EPB41L4A: variants seen among roughly 807,000 people sequenced by gnomAD.
EPB41L4A encodes the protein erythrocyte membrane protein band 4.1 like 4A, also known as band 4.1-like protein 4A.
In EPB41L4A, 100 loss-of-function variants were observed where a neutral mutation model predicts 108.6. The observed-to-expected ratio is 0.92, with a 90% CI of 0.78 to 1.09. The LOEUF (loss-of-function observed/expected upper bound fraction) is 1.09. EPB41L4A is among the 50% of genes least tolerant of loss of function. The pLI is 0.00. For missense variants in EPB41L4A, 1,030 were observed against 842.7 expected (o/e 1.22, Z -2.75); for synonymous variants, 319 against 289.0 (o/e 1.10, Z -1.05).
intron 1 of EPB41L4A, among the ~76,000 whole-genome samples, chr5:112,350,965 T>C (rs58873819): frequency 0.14 from 21,349 of 152,248 alleles, 1,747 homozygotes; most frequent in East Asian, 0.33. Context: ...TCTGGTATAC[T>C]GATCGCCTTT....
chr5:112,388,280 G>C (rs1000227854), intron 1 of EPB41L4A, among the ~76,000 whole-genome samples: 1 of 152,174 alleles, frequency 6.6e-6, no homozygotes, highest in Non-Finnish European at 1.5e-5. Context: ...ATGCCAGCCA[G>C]AGTCAGCCTT....
At chr5:112,370,191 A>AT (rs77297021) in intron 1 of EPB41L4A, among the ~76,000 whole-genome samples, 2,056 of 136,978 alleles carry the variant, frequency 0.015, 50 homozygotes, top group African/African-American at 0.048. Flanking sequence ...AGCCTGTCTA[A>AT]TTTTTTTTTT....
At chr5:112,403,466 G>A (rs1761905127) in intron 1 of EPB41L4A, among the ~76,000 whole-genome samples, 1 of 151,842 alleles carries the variant, frequency 6.6e-6, no homozygotes, top group Non-Finnish European at 1.5e-5. Context: ...CTAATCACAT[G>A]TCAAATCTAA....
At chr5:112,211,959 G>C (rs535348189) in intron 12 of EPB41L4A, among the ~76,000 whole-genome samples, 1 of 152,232 alleles carries the variant, frequency 6.6e-6, no homozygotes, top group East Asian at 1.9e-4. Flanking sequence ...ACCAATAACT[G>C]AGCAACATCC....
chr5:112,267,630 T>C (rs142585800), intron 4 of EPB41L4A, among the ~76,000 whole-genome samples: 1 of 152,036 alleles, frequency 6.6e-6, no homozygotes, highest in East Asian at 1.9e-4. Context: ...TCTATACTTC[T>C]CTCCATCCCC....
At chr5:112,301,814 T>C (rs1353958721) in intron 2 of EPB41L4A, among the ~76,000 whole-genome samples, 2 of 152,158 alleles carry the variant, frequency 1.3e-5, no homozygotes, top group Admixed American at 6.6e-5. Context: ...TAATAACAAC[T>C]ACTTTTAGGG....
intron 2 of EPB41L4A, among the ~76,000 whole-genome samples, chr5:112,282,679 T>C (rs1291195156): frequency 1.3e-5 from 2 of 152,160 alleles, no homozygotes; most frequent in African/African-American, 4.8e-5. Context: ...TCAAGGCACA[T>C]GTAACATTGG....
At position 112,407,764 on chromosome 5, in the gene EPB41L4A, T is replaced by G. The variant is rs565980366; in HGVS notation, c.99+11177A>C. On this transcript the variant is annotated intron_variant, in intron 1 of 22. Transcript: ENST00000261486. Reference sequence around the variant, plus strand: ...CTTATAGAGAAAAGTTTTGGAAGTCTAAATATTCAAGCACAGTTTTAAGTT... The same window carrying G: ...CTTATAGAGAAAAGTTTTGGAAGTCGAAATATTCAAGCACAGTTTTAAGTT... Among the ~76,000 whole-genome samples, 13 of 152,310 alleles carry G rather than the reference T, an allele frequency of 8.5e-5. No individual in the cohort carries two copies. The East Asian group carries it at 2.5e-3, about 29-fold the overall frequency.
chr5:112,151,170 G>A (rs1759450241), intron 12 of EPB41L4A, among the ~76,000 whole-genome samples: 1 of 152,068 alleles, frequency 6.6e-6, no homozygotes, highest in African/African-American at 2.4e-5. Context: ...GGTCTGAGAT[G>A]CAGGAGAGAA....
chr5:112,204,338 T>C lies in EPB41L4A; in HGVS notation c.1376+37A>G, dbSNP rs758574859. On this transcript the variant is annotated intron_variant, in intron 15 of 22. Coordinates refer to ENST00000261486, the MANE Select transcript of EPB41L4A (RefSeq NM_022140.5). ...TCAGGCCTGGGACAAAATGCTTCTG[T>C]TGAAAGCTGCTAACAGAGAGATTGT... 2.6e-5 allele frequency: 37 copies of C among 1,431,906 alleles called. 1 individual carries two copies. The highest frequency in any genetic ancestry group is 2.0e-4 in the South Asian group (17 of 86,862). 88.7% of individuals were successfully genotyped at this position (1,431,906 alleles called of 1,614,324 possible).
At chr5:112,419,471 C>T (rs551746149), upstream of EPB41L4A, 2 of 365,150 alleles carry the variant, frequency 5.5e-6, no homozygotes, top group Non-Finnish European at 1.1e-5. Context: ...CGCTGCACCT[C>T]CCTCCTGCCG....
At position 112,381,764 on chromosome 5, in the gene EPB41L4A, G is replaced by A. The variant is rs530295562; in HGVS notation, c.99+37177C>T. On this transcript the variant is annotated intron_variant, in intron 1 of 22. Coordinates refer to ENST00000261486, the MANE Select transcript of EPB41L4A (RefSeq NM_022140.5). ...TGGGCTCCCACAACCAGACACAGTT[G>A]AGAAAACTTTCTGAACTCTCCCCTG... Among the ~76,000 whole-genome samples the A allele has an allele frequency of 8.0e-4, 122 of 152,340 alleles. No individual in the cohort carries two copies. The Middle Eastern group carries it at 0.01, about 13-fold the overall frequency.
chr5:112,210,522 T>C (rs1004014023), intron 12 of EPB41L4A, among the ~76,000 whole-genome samples: 7 of 152,346 alleles, frequency 4.6e-5, no homozygotes, highest in African/African-American at 1.4e-4. Context: ...GTGTTCTTCA[T>C]GCAAACATTC....
intron 1 of EPB41L4A, among the ~76,000 whole-genome samples, chr5:112,310,273 G>C (rs781489266): frequency 5.3e-5 from 8 of 152,148 alleles, no homozygotes; most frequent in Non-Finnish European, 1.2e-4. Context: ...TTCCCTATCG[G>C]TCTTATTCCC....
chr5:112,400,716 T>C (rs1761690826), intron 1 of EPB41L4A, among the ~76,000 whole-genome samples: 1 of 152,172 alleles, frequency 6.6e-6, no homozygotes, highest in Non-Finnish European at 1.5e-5. Context: ...ATGAGATTTG[T>C]GTAAGGACAA....
At chr5:112,325,025 G>A (rs908183272) in intron 1 of EPB41L4A, among the ~76,000 whole-genome samples, 3 of 152,150 alleles carry the variant, frequency 2.0e-5, no homozygotes, top group African/African-American at 7.2e-5. Context: ...AAAAGTGCCA[G>A]GTATACATAC....
chr5:112,275,979 G>A (rs1752608762), intron 3 of EPB41L4A, among the ~76,000 whole-genome samples: 1 of 152,104 alleles, frequency 6.6e-6, no homozygotes. Flanking sequence ...AAAAGTATCA[G>A]TTAATATATA....
chr5:112,224,356 A>C (rs1748304365), intron 12 of EPB41L4A, among the ~76,000 whole-genome samples: 1 of 152,098 alleles, frequency 6.6e-6, no homozygotes, highest in Admixed American at 6.5e-5. Flanking sequence ...CTTTTTCACA[A>C]CTTTGCAAGA....
chr5:112,413,383 T>C (rs1762523594), intron 1 of EPB41L4A, among the ~76,000 whole-genome samples: 1 of 152,190 alleles, frequency 6.6e-6, no homozygotes, highest in African/African-American at 2.4e-5. Flanking sequence ...TCTAGGGTCT[T>C]TTCTAGTAAA....
Sources: gnomAD v4.1 joint callset for allele counts (sites outside exome capture counted in the v4.1 genomes callset) on GRCh38, gnomAD v4.1.1 for gene constraint, MANE v1.5 for transcripts, NCBI Gene and HGNC (gene_info 2026-07-23, HGNC 2026-07-21) for gene names.